Variants in ZFAND2B observed in about 807,000 individuals in gnomAD.
ZFAND2B encodes zinc finger AN1-type containing 2B.
ZFAND2B carries 27 observed loss-of-function variants against 38.2 expected under a neutral mutation model. That is an observed-to-expected ratio of 0.71 (90% confidence interval 0.52 to 0.97). The LOEUF is 0.97. Among genes scored for constraint, ZFAND2B ranks in the 50% least tolerant of loss-of-function variants. The probability of loss-of-function intolerance (pLI) is 0.00; values close to 1 mark genes in which losing one functional copy is unlikely to be tolerated. For missense variants in ZFAND2B, 303 were observed against 331.5 expected (o/e 0.91, Z 0.67); for synonymous variants, 111 against 119.4 (o/e 0.93, Z 0.46).
At chr2:219,208,678 G>A in intron 7 of ZFAND2B, 39 bp downstream of exon 7, 1 of 1,612,214 alleles carries the variant, frequency 6.2e-7, no homozygotes, top group Non-Finnish European at 8.5e-7. Context: ...CAAGCTGTGG[G>A]CAAGGGCTTG....
Position 219,206,900 on chromosome 2 carries a change from T to A in ZFAND2B, c.-88T>A. The A allele has an allele frequency of 7.0e-7, 1 of 1,430,982 alleles. No homozygotes were observed. Among genetic ancestry groups the A allele is most frequent in the Non-Finnish European group, 9.6e-7 (1 of 1,042,296 alleles). 88.6% of individuals were successfully genotyped at this position (1,430,982 alleles called of 1,614,324 possible). On this transcript the variant is annotated 5_prime_UTR_variant, in exon 1 of 9. Transcript: ENST00000289528. ...GGGCGGGGCAGGGAGCCCGCCAGAG[T>A]GCGGGGTCGCGGTGCGGACTTCGAG...
In ZFAND2B at chr2:219,208,959, A is replaced by G. The variant is rs1950533717; in HGVS notation, c.657-18A>G. The G allele has an allele frequency of 1.9e-6, 3 of 1,613,520 alleles. No homozygotes were observed. Among genetic ancestry groups the G allele is most frequent in the African/African-American group, 1.3e-5 (1 of 74,882 alleles). On this transcript the variant is annotated intron_variant, in intron 7 of 8. Coordinates refer to ENST00000289528, the MANE Select transcript of ZFAND2B (RefSeq NM_138802.3). The stretch of plus-strand genomic sequence containing the variant: ...CAGATCTTACCATCATCCAACTTAA[A>G]CTGTTTCTCCCTCCCAGTTGTCAGG...
rs771705331 is a variant in ZFAND2B at position 219,207,059 on chromosome 2, GC to G, written c.55+18del. ...AGCGCTTGGGTGAGGGGCGGAGCGCGCGGGGGGCGGGGCCCAGCGGACAGGG... is the reference window on the plus strand; with the variant it reads ...AGCGCTTGGGTGAGGGGCGGAGCGCGGGGGGGCGGGGCCCAGCGGACAGGG... On this transcript the variant is annotated intron_variant, in intron 1 of 8. Coordinates refer to ENST00000289528, the MANE Select transcript of ZFAND2B (RefSeq NM_138802.3). 1.9e-6 allele frequency: 3 copies of G among 1,591,632 alleles called. No homozygotes were observed. The highest frequency in any genetic ancestry group is 8.6e-7 in the Non-Finnish European group (1 of 1,169,462).
At chr2:219,207,109 G>A in intron 1 of ZFAND2B, 67 bp downstream of exon 1, 1 of 1,239,886 alleles carries the variant, frequency 8.1e-7, no homozygotes, top group Non-Finnish European at 1.1e-6. Context: ...GGTTGGGAGG[G>A]AAGGGTGGGC....
intron 1 of ZFAND2B, 46 bp from the exon 2 acceptor site, chr2:219,207,281 G>C (rs765687747): frequency 5.3e-5 from 84 of 1,583,340 alleles, no homozygotes; most frequent in Middle Eastern, 1.7e-4. Flanking sequence ...GAGAGAGAAG[G>C]ACATCGAGGT....
At position 219,206,926 on chromosome 2, in the gene ZFAND2B, C is replaced by T. The variant is rs986232165; in HGVS notation, c.-62C>T. The T allele has an allele frequency of 2.5e-6, 4 of 1,573,846 alleles. No individual in the cohort carries two copies. In the East Asian group the frequency reaches 6.9e-5, roughly 27 times the overall value. On this transcript the variant is annotated 5_prime_UTR_variant, in exon 1 of 9. Coordinates refer to ENST00000289528, the MANE Select transcript of ZFAND2B (RefSeq NM_138802.3). ...GCGGGGTCGCGGTGCGGACTTCGAG[C>T]ACGAGCCCTAAAGACGCTCAGCACT... is the stretch of plus-strand genomic sequence containing the variant.
At position 219,207,898 on chromosome 2, in the gene ZFAND2B, T is replaced by C; in HGVS notation, c.294T>C (p.Asn98=). The stretch of plus-strand genomic sequence containing the variant: ...TCACTTCACCTCAGATCTTCACCAA[T>C]AAGTGTGAACGCGCTGGCTGCCGGC... ...PAQQKRKIFT[N]KCERAGCRQR... Residue 98 remains asparagine (N), a synonymous_variant, in exon 4 of 9, where the codon AAT becomes AAC. Coordinates refer to ENST00000289528, the MANE Select transcript of ZFAND2B (RefSeq NM_138802.3). 1 of 1,614,062 alleles carries C rather than the reference T, an allele frequency of 6.2e-7. No individual in the cohort carries two copies.
In ZFAND2B at chr2:219,207,736, T is replaced by C. The variant is rs1950508654; in HGVS notation, c.239T>C (p.Ile80Thr). Reference protein sequence around the residue: ...EPPDRAVGEHIDRDCRSDPAQ... With the variant: ...EPPDRAVGEHTDRDCRSDPAQ... ...CCTGACCGTGCTGTGGGAGAGCACA[T>C]TGACAGAGACTGTCGCTCTGATCCA... is the stretch of plus-strand genomic sequence containing the variant. The change falls in exon 3 of 9, where the codon ATT (isoleucine) becomes ACT (threonine). Residue 80 changes from isoleucine (I) to threonine (T), a missense_variant. By Grantham distance (89) the Ile-to-Thr change is moderately conservative. Transcript: ENST00000289528. The C allele has an allele frequency of 5.0e-6, 8 of 1,614,140 alleles. No individual in the cohort carries two copies. The highest frequency in any genetic ancestry group is 1.3e-5 in the African/African-American group (1 of 75,034).
In ZFAND2B at chr2:219,208,452, C is replaced by T. The variant is rs377202502; in HGVS notation, c.554C>T (p.Thr185Ile). The change falls in exon 6 of 9, where the codon ACA (threonine) becomes ATA (isoleucine). Residue 185 changes from threonine to isoleucine, a missense_variant. By Grantham distance (89) the Thr-to-Ile change is moderately conservative. Transcript: ENST00000289528. The stretch of plus-strand genomic sequence containing the variant: ...GCCACAACCCGATCTCCGTCCTGGA[C>T]AGCCCCTCCAGTGATTGCTTTGCAG... ...SRATTRSPSW[T>I]APPVIALQNG... The T allele has an allele frequency of 6.2e-7, 1 of 1,614,148 alleles. No individual in the cohort carries two copies. The highest frequency in any genetic ancestry group is 1.3e-5 in the African/African-American group (1 of 74,944).
Position 219,207,751 on chromosome 2 carries a change from G to A in ZFAND2B, c.254G>A (p.Arg85His). Residue 85 changes from arginine (R) to histidine (H), a missense_variant, in exon 3 of 9, where the codon CGC becomes CAC. Transcript: ENST00000289528. ...AVGEHIDRDCRSDPAQQKRKI... is the reference protein window; with the variant it reads ...AVGEHIDRDCHSDPAQQKRKI... ...GGAGAGCACATTGACAGAGACTGTC[G>A]CTCTGATCCAGCACAGCAAAAACGT... 6.2e-7 allele frequency: 1 copy of A among 1,614,128 alleles called. No individual in the cohort carries two copies.
rs757405010 is a variant in ZFAND2B, at chr2:219,208,463, G to A, written c.565G>A (p.Val189Met). 6.2e-7 allele frequency: 1 copy of A among 1,614,242 alleles called. No homozygotes were observed. The highest frequency in any genetic ancestry group is 2.2e-5 in the East Asian group (1 of 44,892). The stretch of plus-strand genomic sequence containing the variant: ...ATCTCCGTCCTGGACAGCCCCTCCA[G>A]TGATTGCTTTGCAGAATGGCCTGGT... ...TRSPSWTAPP[V>M]IALQNGLSED... Residue 189 changes from valine to methionine, a missense_variant, in exon 6 of 9, where the codon GTG (valine) becomes ATG (methionine). Physicochemically the swap from Val to Met is conservative, Grantham distance 21 (BLOSUM62 1). Coordinates refer to ENST00000289528, the MANE Select transcript of ZFAND2B (RefSeq NM_138802.3).
At chr2:219,208,756 A>C in intron 7 of ZFAND2B, 117 bp downstream of exon 7, 1 of 1,244,986 alleles carries the variant, frequency 8.0e-7, no homozygotes, top group Non-Finnish European at 1.2e-6. Flanking sequence ...TTGGTCTCAA[A>C]ATTAAGATGA....
rs1323887343 is a variant in ZFAND2B, at chr2:219,207,721, C to T, written c.224C>T (p.Ala75Val). The T allele has an allele frequency of 1.9e-6, 3 of 1,614,164 alleles. No individual in the cohort carries two copies. Among genetic ancestry groups the T allele is most frequent in the South Asian group, 2.2e-5 (2 of 91,080 alleles). Residue 75 changes from alanine (A) to valine (V), a missense_variant, in exon 3 of 9, where the codon GCT (alanine) becomes GTT (valine). Physicochemically the swap from Ala to Val is moderately conservative, Grantham distance 64. Coordinates refer to ENST00000289528, the MANE Select transcript of ZFAND2B (RefSeq NM_138802.3). ...PVARGEPPDRAVGEHIDRDCR... is the reference protein window; with the variant it reads ...PVARGEPPDRVVGEHIDRDCR... The stretch of plus-strand genomic sequence containing the variant: ...GCCAGAGGGGAGCCCCCTGACCGTG[C>T]TGTGGGAGAGCACATTGACAGAGAC...
chr2:219,208,697 G>A, intron 7 of ZFAND2B, 58 bp downstream of exon 7: 1 of 1,597,544 alleles, frequency 6.3e-7, no homozygotes, highest in Non-Finnish European at 8.6e-7. Context: ...TGGTCTGGAG[G>A]CAGGTAGGTG....
chr2:219,208,895 CCAT>C, intron 7 of ZFAND2B, 79 bp from the exon 8 acceptor site: 6 of 1,422,946 alleles, frequency 4.2e-6, no homozygotes, highest in Non-Finnish European at 5.0e-6. Flanking sequence ...GTGCTCAGCA[CCAT>C]GAGGCCCAAC....
Position 219,207,690 on chromosome 2 carries a change from CCTGTGG to C in ZFAND2B, c.195_200del (p.Val66_Ala67del). 1.2e-6 allele frequency: 2 copies of C among 1,614,160 alleles called. No individual in the cohort carries two copies. The highest frequency in any genetic ancestry group is 1.3e-5 in the African/African-American group (1 of 75,048). ...GTGCCCTCTCTGTAATGTGCCTGTG[CCTGTGG>C]CCAGAGGGGAGCCCCCTGACCGTGC... On this transcript the variant is annotated inframe_deletion, in exon 3 of 9. Transcript: ENST00000289528.
Position 219,209,585 on chromosome 2 carries a change from C to G in ZFAND2B, c.*279C>G. 1.5e-6 allele frequency: 1 copy of G among 680,382 alleles called. No homozygotes were observed. 42.1% of individuals were successfully genotyped at this position (680,382 alleles called of 1,614,324 possible). ...CATCTCCCTTATGCTGGAGCTGCCC[C>G]GATGTGGAGTGGGCAGGAAGGGGCC... is the stretch of plus-strand genomic sequence containing the variant. On this transcript the variant is annotated 3_prime_UTR_variant, in exon 9 of 9. Transcript: ENST00000289528.
In ZFAND2B at chr2:219,207,331, T is replaced by A; in HGVS notation, c.60T>A (p.Phe20Leu). 1 of 1,614,020 alleles carries A rather than the reference T, an allele frequency of 6.2e-7. No individual in the cohort carries two copies. The highest frequency in any genetic ancestry group is 1.3e-5 in the African/African-American group (1 of 75,048). The change falls in exon 2 of 9, where the codon TTT becomes TTA. Residue 20 changes from phenylalanine (F) to leucine (L), a missense_variant. Physicochemically the swap from Phe to Leu is conservative, Grantham distance 22 (BLOSUM62 0). Coordinates refer to ENST00000289528, the MANE Select transcript of ZFAND2B (RefSeq NM_138802.3). Reference sequence around the variant, plus strand: ...AATCCGACCAACTCTTTGCAGATTTTCTGCCGCTTAAGTGTGATGCCTGCT... The same window carrying A: ...AATCCGACCAACTCTTTGCAGATTTACTGCCGCTTAAGTGTGATGCCTGCT... ...CSEPSCQRLD[F>L]LPLKCDACSG...
Position 219,209,397 on chromosome 2 carries a change from T to G in ZFAND2B, c.*91T>G, listed in dbSNP as rs951237961. 3.4e-6 allele frequency: 5 copies of G among 1,486,696 alleles called. No homozygotes were observed. The African/African-American group carries it at 6.9e-5, about 21-fold the overall frequency. The allele number at this position is 1,486,696 out of a possible 1,614,324, so 92.1% of individuals were successfully genotyped here. On this transcript the variant is annotated 3_prime_UTR_variant, in exon 9 of 9. Transcript: ENST00000289528. The stretch of plus-strand genomic sequence containing the variant: ...CAGGGAGAGGAGGCCCGGAGCACCC[T>G]GGAGGGCAGAGACAAGCGGGAGTGA...
Sources: allele counts gnomAD v4.1 joint callset, GRCh38; gene constraint gnomAD v4.1.1; transcripts MANE v1.5; gene names NCBI Gene and HGNC (gene_info 2026-07-23, HGNC 2026-07-21).